FHOD3: variants seen among roughly 807,000 people sequenced by gnomAD.
FHOD3 encodes the protein formin homology 2 domain containing 3, also known as FH1/FH2 domain-containing protein 3.
Under a neutral mutation model 173.0 loss-of-function variants are expected in FHOD3, and 90 were observed. The observed-to-expected ratio is 0.52, with a 90% CI of 0.44 to 0.62. FHOD3 has a LOEUF of 0.62. Among genes scored for constraint, FHOD3 ranks in the 20% least tolerant of loss-of-function variants. The pLI is 0.00. For synonymous variants in FHOD3, 828 were observed against 823.0 expected (o/e 1.01, Z -0.10); for missense variants, 1,945 against 2,034.7 (o/e 0.96, Z 0.85).
intron 14 of FHOD3, among the ~76,000 whole-genome samples, chr18:36,666,466 G>C (rs151170956): frequency 7.4e-4 from 113 of 152,290 alleles, no homozygotes; most frequent in African/African-American, 2.4e-3. Context: ...GTTACCTCTT[G>C]TCCTGTATCA....
chr18:36,715,656 A>G (rs1387780662), intron 18 of FHOD3, among the ~76,000 whole-genome samples: 1 of 152,190 alleles, frequency 6.6e-6, no homozygotes, highest in Admixed American at 6.5e-5. Flanking sequence ...TTATTGAGTA[A>G]TTATAATCAT....
intron 2 of FHOD3, among the ~76,000 whole-genome samples, chr18:36,369,519 A>C (rs1001003784): frequency 1.1e-4 from 16 of 150,746 alleles, no homozygotes; most frequent in Non-Finnish European, 1.6e-4. Flanking sequence ...AGAGAGAGAG[A>C]GAGAGAGAGC....
At chr18:36,773,558 T>C (rs1035821204) in intron 28 of FHOD3, among the ~76,000 whole-genome samples, 1 of 152,196 alleles carries the variant, frequency 6.6e-6, no homozygotes, top group Admixed American at 6.5e-5. Flanking sequence ...TCAGTTATCT[T>C]TTGTACGATG....
chr18:36,501,854 A>T, intron 3 of FHOD3, 78 bp from the exon 4 acceptor site: 1 of 1,006,210 alleles, frequency 9.9e-7, no homozygotes, highest in Non-Finnish European at 1.5e-6. Flanking sequence ...TAGTTTTGTT[A>T]TCATTCATAT....
intron 3 of FHOD3, among the ~76,000 whole-genome samples, chr18:36,435,540 T>C (rs1377055356): frequency 6.6e-6 from 1 of 152,148 alleles, no homozygotes; most frequent in East Asian, 1.9e-4. Context: ...GCCAGTAATG[T>C]AAGACTACAT....
intron 6 of FHOD3, among the ~76,000 whole-genome samples, chr18:36,583,304 C>T (rs2058919494): frequency 6.6e-6 from 1 of 152,158 alleles, no homozygotes; most frequent in Non-Finnish European, 1.5e-5. Context: ...GTCACACACG[C>T]CTGCACCATC....
At chr18:36,388,636 G>A (rs528147981) in intron 3 of FHOD3, among the ~76,000 whole-genome samples, 1 of 152,134 alleles carries the variant, frequency 6.6e-6, no homozygotes, top group Non-Finnish European at 1.5e-5. Context: ...GGTCTCCTGG[G>A]CAGGGATGGC....
intron 3 of FHOD3, among the ~76,000 whole-genome samples, chr18:36,449,610 T>A (rs541865068): frequency 1.3e-5 from 2 of 152,346 alleles, no homozygotes; most frequent in African/African-American, 4.8e-5. Flanking sequence ...GATAACTAAA[T>A]GCCTTCTAAA....
At chr18:36,558,561 G>A (rs756198046) in intron 5 of FHOD3, among the ~76,000 whole-genome samples, 2 of 151,978 alleles carry the variant, frequency 1.3e-5, no homozygotes, top group Non-Finnish European at 2.9e-5. Context: ...TCCTACTTCT[G>A]GGAATATATC....
chr18:36,545,714 A>G (rs1161920895), intron 5 of FHOD3, among the ~76,000 whole-genome samples: 2 of 152,236 alleles, frequency 1.3e-5, no homozygotes, highest in African/African-American at 4.8e-5. Flanking sequence ...AATTTAGCAG[A>G]ACATAAGTGG....
At chr18:36,424,762 A>C (rs555331949) in intron 3 of FHOD3, among the ~76,000 whole-genome samples, 155 of 152,336 alleles carry the variant, frequency 1.0e-3, no homozygotes, top group Non-Finnish European at 1.8e-3. Flanking sequence ...AGACATAAAC[A>C]ATTCATAAGT....
At chr18:36,712,975 G>C (rs965190912) in intron 18 of FHOD3, among the ~76,000 whole-genome samples, 2 of 152,180 alleles carry the variant, frequency 1.3e-5, no homozygotes, top group African/African-American at 4.8e-5. Flanking sequence ...CATTTTGCAA[G>C]TGCTAAAAGA....
At chr18:36,504,692 A>T (rs1010837960) in intron 4 of FHOD3, among the ~76,000 whole-genome samples, 6 of 152,098 alleles carry the variant, frequency 3.9e-5, no homozygotes, top group African/African-American at 1.4e-4. Flanking sequence ...ATGTATACAT[A>T]TGTAACTAAC....
At chr18:36,321,401 G>A (rs1048324065) in intron 1 of FHOD3, among the ~76,000 whole-genome samples, 3 of 152,106 alleles carry the variant, frequency 2.0e-5, no homozygotes, top group Non-Finnish European at 4.4e-5. Flanking sequence ...TGGGGAGATG[G>A]GAGGGACCCA....
chr18:36,402,544 C>CACACACACACAT (rs1555693802), intron 3 of FHOD3, among the ~76,000 whole-genome samples: 1 of 150,880 alleles, frequency 6.6e-6, no homozygotes, highest in African/African-American at 2.4e-5. Flanking sequence ...CACACACACA[C>CACACACACACAT]ATATGAAAAT....
At chr18:36,666,693 A>C (rs1233700586) in intron 14 of FHOD3, among the ~76,000 whole-genome samples, 5 of 152,216 alleles carry the variant, frequency 3.3e-5, no homozygotes, top group African/African-American at 1.2e-4. Flanking sequence ...TTACTTTTTA[A>C]ATAGGAAACA....
At chr18:36,557,524 C>G (rs1040727802) in intron 5 of FHOD3, among the ~76,000 whole-genome samples, 1 of 152,092 alleles carries the variant, frequency 6.6e-6, no homozygotes, top group African/African-American at 2.4e-5. Context: ...TACTACTTAA[C>G]TTTTTGAATA....
intron 13 of FHOD3, among the ~76,000 whole-genome samples, chr18:36,654,843 C>G (rs1025199591): frequency 6.6e-6 from 1 of 152,166 alleles, no homozygotes; most frequent in Non-Finnish European, 1.5e-5. Context: ...ATTCCACCTG[C>G]TCAAGAGTTT....
chr18:36,454,560 T>C (rs1188041531), intron 3 of FHOD3, among the ~76,000 whole-genome samples: 1 of 152,212 alleles, frequency 6.6e-6, no homozygotes, highest in Non-Finnish European at 1.5e-5. Context: ...TTATTTTTCA[T>C]ATGCATTGTG....
Sources: allele counts gnomAD v4.1 joint callset (sites outside exome capture counted in the v4.1 genomes callset), GRCh38; gene constraint gnomAD v4.1.1; transcripts MANE v1.5; gene names NCBI Gene and HGNC (gene_info 2026-07-23, HGNC 2026-07-21).